Variants in KCNIP1 observed in about 807,000 individuals in gnomAD.
KCNIP1 encodes potassium voltage-gated channel interacting protein 1.
KCNIP1 carries 18 observed loss-of-function variants against 33.0 expected under a neutral mutation model. The ratio of observed to expected loss-of-function variants is 0.55; its 90% CI spans 0.38 to 0.81. The LOEUF is 0.81. KCNIP1 is among the 30% of genes least tolerant of loss of function. KCNIP1 has a pLI of 0.00. For missense variants in KCNIP1, 238 were observed against 271.6 expected, an observed-to-expected ratio of 0.88 and a Z score of 0.87; for synonymous variants, 93 against 98.3, an observed-to-expected ratio of 0.95 and a Z score of 0.32.
chr5:170,542,557 A>G (rs1423101532), intron 1 of KCNIP1, among the ~76,000 whole-genome samples: 1 of 152,154 alleles, frequency 6.6e-6, no homozygotes, highest in African/African-American at 2.4e-5. Flanking sequence ...AATACCTTAG[A>G]TTGGGTAAAG....
At chr5:170,721,511 C>A (rs565971350) in intron 3 of KCNIP1, among the ~76,000 whole-genome samples, 2 of 152,258 alleles carry the variant, frequency 1.3e-5, no homozygotes. Flanking sequence ...TCATCCCAGG[C>A]ATTCATGGCC....
At chr5:170,653,031 A>G (rs1488602316) in intron 1 of KCNIP1, among the ~76,000 whole-genome samples, 1 of 152,186 alleles carries the variant, frequency 6.6e-6, no homozygotes, top group Non-Finnish European at 1.5e-5. Flanking sequence ...TTGGAATGAG[A>G]GAGCACACAG....
chr5:170,410,132 C>T (rs981510205), intron 1 of KCNIP1, among the ~76,000 whole-genome samples: 4 of 152,268 alleles, frequency 2.6e-5, no homozygotes, highest in Non-Finnish European at 4.4e-5. Flanking sequence ...CCCGTCTCAT[C>T]AGCCTGCCCT....
At chr5:170,631,792 G>A (rs938029430) in intron 1 of KCNIP1, among the ~76,000 whole-genome samples, 9 of 152,226 alleles carry the variant, frequency 5.9e-5, no homozygotes, top group Non-Finnish European at 1.2e-4. Context: ...CCAAGGCCAC[G>A]TGCTGCCCCC....
At chr5:170,589,981 T>C (rs1758182513) in intron 1 of KCNIP1, among the ~76,000 whole-genome samples, 1 of 151,958 alleles carries the variant, frequency 6.6e-6, no homozygotes, top group African/African-American at 2.4e-5. Flanking sequence ...AGTGTTCCTT[T>C]CCCCCTCTGC....
chr5:170,636,415 G>A (rs1319497872), intron 1 of KCNIP1, among the ~76,000 whole-genome samples: 1 of 152,120 alleles, frequency 6.6e-6, no homozygotes, highest in Non-Finnish European at 1.5e-5. Context: ...TCTATCACAG[G>A]GGGGTGGCCG....
intron 1 of KCNIP1, among the ~76,000 whole-genome samples, chr5:170,577,692 C>T (rs1310897389): frequency 1.3e-5 from 2 of 152,152 alleles, no homozygotes; most frequent in African/African-American, 4.8e-5. Context: ...AAGAGTAGGA[C>T]TTTTTAAAGA....
chr5:170,399,825 G>A (rs1414970488), intron 1 of KCNIP1, among the ~76,000 whole-genome samples: 1 of 152,106 alleles, frequency 6.6e-6, no homozygotes. Context: ...TCCAGGTTTT[G>A]CTATTATAAA....
intron 1 of KCNIP1, among the ~76,000 whole-genome samples, chr5:170,436,962 A>G (rs935268969): frequency 6.6e-6 from 1 of 152,150 alleles, no homozygotes; most frequent in African/African-American, 2.4e-5. Context: ...GAGAAAAGCA[A>G]CCAAGTAATT....
intron 1 of KCNIP1, among the ~76,000 whole-genome samples, chr5:170,574,747 G>A (rs1411805039): frequency 6.6e-5 from 10 of 152,106 alleles, no homozygotes; most frequent in South Asian, 2.1e-4. Flanking sequence ...TGGCCAGGAC[G>A]CCATCCCATG....
At chr5:170,599,571 T>A (rs1758611480) in intron 1 of KCNIP1, among the ~76,000 whole-genome samples, 2 of 151,930 alleles carry the variant, frequency 1.3e-5, no homozygotes, top group Admixed American at 1.3e-4. Flanking sequence ...AGAGGTGCCC[T>A]CCCACCCCGA....
At chr5:170,683,889 AGTGTATGTGTGTGTGTGTGT>A (rs1333535055) in intron 1 of KCNIP1, among the ~76,000 whole-genome samples, 43 of 124,652 alleles carry the variant, frequency 3.4e-4, no homozygotes, top group East Asian at 1.1e-3. Context: ...ATGCCCAGCT[AGTGTATGTGTGTGTGTGTGT>A]GTGTGTGTGT....
intron 1 of KCNIP1, among the ~76,000 whole-genome samples, chr5:170,366,114 CAA>C (rs1763652679): frequency 6.6e-6 from 1 of 152,210 alleles, no homozygotes; most frequent in Non-Finnish European, 1.5e-5. Context: ...GTATCAGTGA[CAA>C]AGAGTTTTAT....
At chr5:170,721,417 A>G (rs1763819460) in intron 3 of KCNIP1, among the ~76,000 whole-genome samples, 1 of 152,174 alleles carries the variant, frequency 6.6e-6, no homozygotes, top group South Asian at 2.1e-4. Flanking sequence ...AAGCTCAGAG[A>G]GGTCGTGCTT....
At chr5:170,628,066 T>A (rs1364021731) in intron 1 of KCNIP1, among the ~76,000 whole-genome samples, 1 of 152,202 alleles carries the variant, frequency 6.6e-6, no homozygotes, top group Non-Finnish European at 1.5e-5. Flanking sequence ...GAGTGGGGAA[T>A]TCCCGCCTCT....
At chr5:170,578,916 A>C (rs1757696048) in intron 1 of KCNIP1, among the ~76,000 whole-genome samples, 1 of 152,100 alleles carries the variant, frequency 6.6e-6, no homozygotes. Flanking sequence ...AGCAAGAGGG[A>C]GGGCCCTGAG....
chr5:170,693,179 C>A (rs948520243), intron 1 of KCNIP1, among the ~76,000 whole-genome samples: 10 of 152,182 alleles, frequency 6.6e-5, no homozygotes, highest in Admixed American at 2.0e-4. Flanking sequence ...CACTCCCTCG[C>A]CCTCTCACCC....
intron 1 of KCNIP1, among the ~76,000 whole-genome samples, chr5:170,626,093 T>A (rs889122032): frequency 2.7e-5 from 4 of 150,722 alleles, no homozygotes; most frequent in Non-Finnish European, 4.4e-5. Flanking sequence ...TGGGAAGGAG[T>A]TTGGAAGGTG....
intron 1 of KCNIP1, among the ~76,000 whole-genome samples, chr5:170,507,469 T>C (rs1472713548): frequency 6.6e-6 from 1 of 152,182 alleles, no homozygotes; most frequent in Non-Finnish European, 1.5e-5. Context: ...AGTAAGGCCA[T>C]TTTCGAAGTA....
Sources: allele counts gnomAD v4.1 joint callset (sites outside exome capture counted in the v4.1 genomes callset), GRCh38; gene constraint gnomAD v4.1.1; transcripts MANE v1.5; gene names NCBI Gene and HGNC (gene_info 2026-07-23, HGNC 2026-07-21).